EPG5: variants seen among roughly 807,000 people sequenced by gnomAD.
EPG5 encodes the protein ectopic P-granules 5 autophagy tethering factor.
Under a neutral mutation model 302.7 loss-of-function variants are expected in EPG5, and 159 were observed. The observed-to-expected ratio is 0.53, with a 90% CI of 0.46 to 0.60. EPG5 has a LOEUF of 0.60. Among genes scored for constraint, EPG5 ranks in the 20% least tolerant of loss-of-function variants. The pLI is 0.00. For synonymous variants in EPG5, 1,158 were observed against 1,136.8 expected, an observed-to-expected ratio of 1.02 and a Z score of -0.37; for missense variants, 2,896 against 3,092.4, an observed-to-expected ratio of 0.94 and a Z score of 1.51.
chr18:45,860,733 G>A (rs2048618073), intron 39 of EPG5, among the ~76,000 whole-genome samples: 2 of 152,176 alleles, frequency 1.3e-5, no homozygotes, highest in Non-Finnish European at 2.9e-5. Context: ...AGTAAACCAA[G>A]TAGCAAAAGT....
At chr18:45,945,466 T>A (rs147093357) in intron 7 of EPG5, among the ~76,000 whole-genome samples, 111 of 152,304 alleles carry the variant, frequency 7.3e-4, no homozygotes, top group African/African-American at 2.5e-3. Flanking sequence ...CTCCTCAAGT[T>A]CTTGAATTCA....
At chr18:45,879,771 T>C (rs923723446) in intron 32 of EPG5, among the ~76,000 whole-genome samples, 1 of 152,158 alleles carries the variant, frequency 6.6e-6, no homozygotes, top group Non-Finnish European at 1.5e-5. Context: ...CAGAGCTCCA[T>C]GGGACACTGC....
At chr18:45,959,052 A>G (rs900273943) in intron 1 of EPG5, among the ~76,000 whole-genome samples, 1 of 152,202 alleles carries the variant, frequency 6.6e-6, no homozygotes, top group Non-Finnish European at 1.5e-5. Flanking sequence ...GGGGAGACTG[A>G]TTTGAGTAAT....
intron 7 of EPG5, among the ~76,000 whole-genome samples, chr18:45,945,409 CCCTACAG>C (rs1299405256): frequency 3.3e-5 from 5 of 152,126 alleles, no homozygotes; most frequent in Admixed American, 3.3e-4. Context: ...GTGCCTTCCT[CCCTACAG>C]CCTTTTCTGA....
rs1412921431 is a variant in EPG5, at chr18:45,901,252, C to T, written c.4475-85G>A. 12 of 1,193,226 alleles carry T rather than the reference C, an allele frequency of 1.0e-5. No homozygotes were observed. The African/African-American group carries it at 1.5e-4, about 15-fold the overall frequency. 73.9% of individuals were successfully genotyped at this position (1,193,226 alleles called of 1,614,324 possible). ...GCATGTGGTACAATTCAGTAGAATT[C>T]CTATCCTCAAAAAATTTATAGTCTT... On this transcript the variant is annotated intron_variant, in intron 25 of 43. Transcript: ENST00000282041.
chr18:45,854,636 GA>G (rs2048477619), intron 43 of EPG5, among the ~76,000 whole-genome samples: 1 of 152,064 alleles, frequency 6.6e-6, no homozygotes, highest in Admixed American at 6.6e-5. Context: ...AGGCTAAGAG[GA>G]ACGCTTGAAG....
rs536692713 is a variant in EPG5 at position 45,954,303 on chromosome 18, A to C, written c.1008+91T>G. 106 of 1,178,718 alleles carry C rather than the reference A, an allele frequency of 9.0e-5. No individual in the cohort carries two copies. The African/African-American group carries it at 1.2e-3, about 14-fold the overall frequency. The allele number at this position is 1,178,718 out of a possible 1,614,324, so 73.0% of individuals were successfully genotyped here. ...TATTACTCTAGGCTGAGGCAGGGTCAGAGTGGGTGTAAGGCACAGACTCCA... is the reference window on the plus strand; with the variant it reads ...TATTACTCTAGGCTGAGGCAGGGTCCGAGTGGGTGTAAGGCACAGACTCCA... On this transcript the variant is annotated intron_variant, in intron 2 of 43. Transcript: ENST00000282041.
chr18:45,953,285 A>C lies in EPG5; in HGVS notation c.1009-642T>G, dbSNP rs566898516. ...ATTTTATGAATATGAAGCCAATGTG[A>C]TATCTCCAAAACTTCAAGGTATCTC... On this transcript the variant is annotated intron_variant, in intron 2 of 43. Transcript: ENST00000282041. 353 of 984,822 alleles carry C rather than the reference A, an allele frequency of 3.6e-4. 1 individual carries two copies. The highest frequency in any genetic ancestry group is 4.3e-4 in the Admixed American group (7 of 16,276). The allele number at this position is 984,822 out of a possible 1,614,324, so 61.0% of individuals were successfully genotyped here. A position where few individuals can be genotyped will look rare whatever the true frequency, so the allele number is the denominator to read the frequency against.
chr18:45,871,987 T>A (rs1164804202), intron 35 of EPG5, among the ~76,000 whole-genome samples: 1 of 152,316 alleles, frequency 6.6e-6, no homozygotes, highest in East Asian at 1.9e-4. Context: ...GATATCTTAA[T>A]TATCTTGATT....
chr18:45,896,242 G>C (rs2049469890), intron 27 of EPG5, among the ~76,000 whole-genome samples: 1 of 152,164 alleles, frequency 6.6e-6, no homozygotes, highest in Non-Finnish European at 1.5e-5. Flanking sequence ...TGCGTTATCA[G>C]GCAAAACACT....
intron 11 of EPG5, among the ~76,000 whole-genome samples, chr18:45,931,166 CAGT>C (rs946274211): frequency 4.0e-4 from 61 of 152,344 alleles, no homozygotes; most frequent in South Asian, 3.3e-3. Flanking sequence ...TGTCACCAGG[CAGT>C]CACCTTCAAA....
chr18:45,837,027 A>G, the EPG5 span: 1 of 1,385,412 alleles, frequency 7.2e-7, no homozygotes, highest in Non-Finnish European at 1.0e-6. Flanking sequence ...GTTTATCTGT[A>G]GGCTCATTTG....
intron 16 of EPG5, among the ~76,000 whole-genome samples, chr18:45,920,246 A>T (rs1185778907): frequency 2.6e-5 from 4 of 152,210 alleles, no homozygotes; most frequent in African/African-American, 9.6e-5. Flanking sequence ...CTACCTTCAT[A>T]GAGCAAACAG....
chr18:45,956,461 A>AT (rs57253117), intron 1 of EPG5, among the ~76,000 whole-genome samples: 3,687 of 119,152 alleles, frequency 0.031, 103 homozygotes, highest in African/African-American at 0.099. Flanking sequence ...TTATTTATTT[A>AT]TTTTTTTTTT....
At position 45,912,269 on chromosome 18, in the gene EPG5, C is replaced by G. The variant is rs778236475; in HGVS notation, c.3983+21G>C. ...AAGGCAGAAATGGACTCACAGAAACCTACAATACTGGGCAGCATACCCATA... is the reference window on the plus strand; with the variant it reads ...AAGGCAGAAATGGACTCACAGAAACGTACAATACTGGGCAGCATACCCATA... On this transcript the variant is annotated intron_variant, in intron 22 of 43. Coordinates refer to ENST00000282041, the MANE Select transcript of EPG5 (RefSeq NM_020964.3). 4.5e-6 allele frequency: 7 copies of G among 1,549,014 alleles called. No individual in the cohort carries two copies. In the East Asian group the frequency reaches 1.4e-4, roughly 30 times the overall value.
intron 14 of EPG5, among the ~76,000 whole-genome samples, chr18:45,924,672 T>G (rs1002065531): frequency 1.3e-5 from 2 of 152,262 alleles, no homozygotes; most frequent in Non-Finnish European, 2.9e-5. Context: ...ATATGCTACA[T>G]AGCAAACCCT....
chr18:45,955,988 A>G (rs1372132138), intron 1 of EPG5, among the ~76,000 whole-genome samples: 4 of 152,242 alleles, frequency 2.6e-5, no homozygotes, highest in Non-Finnish European at 5.9e-5. Flanking sequence ...CTACCCATGG[A>G]TGCTAAAGTG....
At position 45,866,448 on chromosome 18, in the gene EPG5, G is replaced by A. The variant is rs139848817; in HGVS notation, c.6621+350C>T. On this transcript the variant is annotated intron_variant, in intron 38 of 43. Transcript: ENST00000282041. ...TGCAAGGTACTATTTCTAATCAGAT[G>A]AGAAAACTGAGGGACTTGCCCTGTC... 1.7e-3 allele frequency among the ~76,000 whole-genome samples: 262 copies of A among 152,238 alleles called. 3 individuals carry two copies. Among genetic ancestry groups the A allele is most frequent in the African/African-American group, 6.1e-3 (255 of 41,538 alleles).
At chr18:45,948,639 G>A in intron 5 of EPG5, 63 bp from the exon 6 acceptor site, 2 of 1,357,408 alleles carry the variant, frequency 1.5e-6, no homozygotes, top group African/African-American at 1.4e-5. Context: ...CCATAATCTT[G>A]GTTCACAAGC....
Sources: gnomAD v4.1 joint callset for allele counts (sites outside exome capture counted in the v4.1 genomes callset) on GRCh38, gnomAD v4.1.1 for gene constraint, MANE v1.5 for transcripts, NCBI Gene and HGNC (gene_info 2026-07-23, HGNC 2026-07-21) for gene names.